Variants in FYB1 observed in about 807,000 individuals in gnomAD.
The protein encoded by FYB1 is FYN-binding protein 1.
FYB1 carries 41 observed loss-of-function variants against 94.1 expected under a neutral mutation model. The observed-to-expected ratio is 0.44, with a 90% CI of 0.34 to 0.57. The LOEUF is 0.57. Ranked by LOEUF, FYB1 falls within the 20% of genes least tolerant of loss-of-function variation. FYB1 has a pLI of 0.02. For synonymous variants in FYB1, 367 were observed against 353.2 expected (o/e 1.04, Z -0.44); for missense variants, 1,050 against 976.8 (o/e 1.07, Z -1.00).
At chr5:39,124,161 G>A (rs1740400682) in intron 13 of FYB1, 92 bp downstream of exon 13, 2 of 858,406 alleles carry the variant, frequency 2.3e-6, no homozygotes, top group Non-Finnish European at 3.6e-6. Context: ...TCAGAGTCAA[G>A]ACTTTAATGC....
At chr5:39,154,812 T>G (rs897899764) in intron 2 of FYB1, among the ~76,000 whole-genome samples, 3 of 152,164 alleles carry the variant, frequency 2.0e-5, no homozygotes, top group African/African-American at 7.2e-5. Context: ...CAGGCTGGTC[T>G]TGAACTCTTG....
chr5:39,178,702 G>C (rs1006076655), intron 2 of FYB1, among the ~76,000 whole-genome samples: 1 of 152,114 alleles, frequency 6.6e-6, no homozygotes, highest in Admixed American at 6.5e-5. Flanking sequence ...AAATGCATAA[G>C]TCCTCCCATT....
intron 11 of FYB1, among the ~76,000 whole-genome samples, chr5:39,126,907 A>C (rs975680196): frequency 3.3e-5 from 5 of 151,352 alleles, no homozygotes; most frequent in African/African-American, 1.2e-4. Context: ...AAAAATATGA[A>C]ATAACCCAGG....
intron 9 of FYB1, among the ~76,000 whole-genome samples, chr5:39,131,452 T>A (rs1741198004): frequency 1.3e-5 from 2 of 152,198 alleles, no homozygotes; most frequent in African/African-American, 4.8e-5. Context: ...CAGTTTAATG[T>A]TAGTGTCTTA....
chr5:39,213,172 C>T (rs16868338), intron 1 of FYB1, among the ~76,000 whole-genome samples: 10,268 of 152,128 alleles, frequency 0.067, 455 homozygotes, highest in Admixed American at 0.11. Context: ...ATTTGATCCT[C>T]CCAAAGCCCA....
chr5:39,221,494 G>A (rs2150554874), upstream of FYB1, among the ~76,000 whole-genome samples: 1 of 152,314 alleles, frequency 6.6e-6, no homozygotes, highest in East Asian at 1.9e-4. Flanking sequence ...ATGACACACT[G>A]TGATGAGTAT....
At chr5:39,188,480 C>T (rs1318339666) in intron 2 of FYB1, among the ~76,000 whole-genome samples, 1 of 151,674 alleles carries the variant, frequency 6.6e-6, no homozygotes, top group Non-Finnish European at 1.5e-5. Context: ...CCCAACGTAC[C>T]ACCCCACAGC....
At chr5:39,223,514 T>TA (rs1025637025), upstream of FYB1, among the ~76,000 whole-genome samples, 5 of 152,334 alleles carry the variant, frequency 3.3e-5, no homozygotes, top group African/African-American at 7.2e-5. Flanking sequence ...CAATTAAATT[T>TA]AAAAAAATCA....
intron 2 of FYB1, among the ~76,000 whole-genome samples, chr5:39,200,140 C>T (rs1415848167): frequency 6.6e-6 from 1 of 152,140 alleles, no homozygotes; most frequent in African/African-American, 2.4e-5. Context: ...CATTCAGGAG[C>T]AGGGGAGGGT....
intron 3 of FYB1, among the ~76,000 whole-genome samples, chr5:39,148,151 TTTTTTATATA>T (rs1561175041): frequency 6.8e-5 from 4 of 58,728 alleles, no homozygotes; most frequent in African/African-American, 4.2e-4. Context: ...ATTATATGTA[TTTTTTATATA>T]TATATATATA....
intron 1 of FYB1, among the ~76,000 whole-genome samples, chr5:39,215,460 G>A (rs570758477): frequency 1.3e-5 from 2 of 152,276 alleles, no homozygotes; most frequent in Admixed American, 1.3e-4. Context: ...CACCCTGGGG[G>A]AAGTTTTTTT....
At chr5:39,164,447 T>C (rs2099122) in intron 2 of FYB1, among the ~76,000 whole-genome samples, 148,362 of 152,270 alleles carry the variant, frequency 0.97, 72,385 homozygotes, top group Non-Finnish European at 1. Context: ...GTTGTTGAGA[T>C]GGAGTTTTGC....
In FYB1 at chr5:39,141,088, C is replaced by G; in HGVS notation, c.1339+7G>C. On this transcript the variant is annotated splice_region_variant and intron_variant, in intron 4 of 18. Transcript: ENST00000512982. ...ATAAATAAATAAAATATGTTTTTGTCGTTTACCATCAGAGTGCGTGACACC... is the reference window on the plus strand; with the variant it reads ...ATAAATAAATAAAATATGTTTTTGTGGTTTACCATCAGAGTGCGTGACACC... 6.4e-7 allele frequency: 1 copy of G among 1,566,018 alleles called. No individual in the cohort carries two copies. Among genetic ancestry groups the G allele is most frequent in the Non-Finnish European group, 8.7e-7 (1 of 1,150,068 alleles).
chr5:39,214,206 T>C (rs960390890), intron 1 of FYB1, among the ~76,000 whole-genome samples: 1 of 152,200 alleles, frequency 6.6e-6, no homozygotes, highest in Non-Finnish European at 1.5e-5. Context: ...TCACATCCAT[T>C]TGAATGGCTA....
intron 5 of FYB1, 100 bp from the exon 6 acceptor site, chr5:39,138,791 T>A (rs750243391): frequency 5.3e-6 from 4 of 751,080 alleles, no homozygotes; most frequent in Admixed American, 4.3e-5. Flanking sequence ...CAATGTAAAT[T>A]TTTATAATTT....
chr5:39,113,504 T>G (rs1739256742), intron 16 of FYB1, among the ~76,000 whole-genome samples: 1 of 152,162 alleles, frequency 6.6e-6, no homozygotes, highest in Non-Finnish European at 1.5e-5. Context: ...CTCCCATATG[T>G]GCCAGTTAAT....
intron 3 of FYB1, among the ~76,000 whole-genome samples, chr5:39,142,320 T>C (rs934148244): frequency 2.6e-5 from 4 of 152,188 alleles, no homozygotes; most frequent in Non-Finnish European, 5.9e-5. Context: ...ACCTTGTTTC[T>C]TCTTTCACTG....
At chr5:39,268,492 A>C (rs970231402) in intron 1 of FYB1, among the ~76,000 whole-genome samples, 1 of 152,064 alleles carries the variant, frequency 6.6e-6, no homozygotes, top group Non-Finnish European at 1.5e-5. Flanking sequence ...TTGACCTCCC[A>C]AAAAATTGGG....
At chr5:39,205,402 A>G (rs1366150208) in intron 1 of FYB1, among the ~76,000 whole-genome samples, 1 of 152,230 alleles carries the variant, frequency 6.6e-6, no homozygotes, top group Non-Finnish European at 1.5e-5. Context: ...AAATTAAACA[A>G]CTTGCTGTGT....
Sources: gnomAD v4.1 joint callset for allele counts (sites outside exome capture counted in the v4.1 genomes callset) on GRCh38, gnomAD v4.1.1 for gene constraint, MANE v1.5 for transcripts, NCBI Gene and HGNC (gene_info 2026-07-23, HGNC 2026-07-21) for gene names.